Variants in DCBLD2 observed in about 807,000 individuals in gnomAD.
DCBLD2 encodes the protein discoidin, CUB and LCCL domain-containing protein 2.
DCBLD2 carries 54 observed loss-of-function variants against 86.8 expected under a neutral mutation model. That is an observed-to-expected ratio of 0.62 (90% CI 0.50 to 0.78). The LOEUF (loss-of-function observed/expected upper bound fraction) is 0.78. DCBLD2 is among the 30% of genes least tolerant of loss of function. DCBLD2 has a pLI of 0.00. For synonymous variants in DCBLD2, 354 were observed against 341.3 expected (o/e 1.04, Z -0.41); for missense variants, 908 against 954.2 (o/e 0.95, Z 0.64).
chr3:98,870,811 A>T (rs1318213253), intron 2 of DCBLD2, among the ~76,000 whole-genome samples: 11 of 133,498 alleles, frequency 8.2e-5, no homozygotes, highest in Non-Finnish European at 1.5e-4. Flanking sequence ...GAAAGAAAGA[A>T]AGGTAGGCAG....
At chr3:98,879,371 T>A (rs1943422384) in intron 2 of DCBLD2, among the ~76,000 whole-genome samples, 1 of 152,130 alleles carries the variant, frequency 6.6e-6, no homozygotes, top group Admixed American at 6.6e-5. Context: ...GCCCAATGCT[T>A]CAAATTTCTC....
In DCBLD2 at chr3:98,817,860, T is replaced by A. The variant is rs1184633932; in HGVS notation, c.1121A>T (p.His374Leu). The change falls in exon 9 of 16, where the codon CAC (histidine) becomes CTC (leucine). Residue 374 changes from histidine to leucine, a missense_variant. Around this residue, in one of 3 missense-constraint regions of DCBLD2, gnomAD observed 606 missense variants for 678.5 expected, o/e 0.89. Transcript: ENST00000326840. ...TCTGTAGGCAGACACATAGTAATTG[T>A]GCTCCACCATGGTGGATCCAGTGGT... ...IITTGSTMVE[H>L]NYYVSAYRIL... The A allele has an allele frequency of 6.2e-7, 1 of 1,613,680 alleles. No homozygotes were observed.
At chr3:98,870,122 TGA>T (rs144861910) in intron 2 of DCBLD2, among the ~76,000 whole-genome samples, 25,125 of 152,086 alleles carry the variant, frequency 0.17, 2,152 homozygotes, top group African/African-American at 0.22. Flanking sequence ...TTGTAGACGG[TGA>T]GAGATAGGGA....
At chr3:98,815,157 C>T (rs1236299494) in intron 9 of DCBLD2, 2 of 151,974 alleles carry the variant, frequency 1.3e-5, no homozygotes, top group Non-Finnish European at 2.9e-5. Context: ...AGGAGTTATC[C>T]CTTAAATCTT....
At chr3:98,833,426 T>C (rs1942360677) in intron 3 of DCBLD2, among the ~76,000 whole-genome samples, 1 of 152,246 alleles carries the variant, frequency 6.6e-6, no homozygotes, top group South Asian at 2.1e-4. Context: ...CTGAATTCTA[T>C]TTCTGTCATT....
chr3:98,862,940 T>G (rs1424333823), intron 2 of DCBLD2, among the ~76,000 whole-genome samples: 4 of 152,236 alleles, frequency 2.6e-5, no homozygotes, highest in Non-Finnish European at 5.9e-5. Context: ...TGTCCCTGTT[T>G]GCAGATGACA....
intron 3 of DCBLD2, among the ~76,000 whole-genome samples, chr3:98,836,626 G>T (rs1477468357): frequency 1.4e-5 from 2 of 138,600 alleles, no homozygotes; most frequent in African/African-American, 2.6e-5. Flanking sequence ...CCCAGACGGG[G>T]CGGCTGGCCG....
intron 4 of DCBLD2, among the ~76,000 whole-genome samples, chr3:98,823,096 C>T (rs978998594): frequency 2.0e-5 from 3 of 152,202 alleles, no homozygotes; most frequent in Non-Finnish European, 4.4e-5. Flanking sequence ...TGGTCTCAAA[C>T]TCCTGACCTC....
chr3:98,895,464 TG>T (rs1943736297), intron 1 of DCBLD2: 1 of 152,096 alleles, frequency 6.6e-6, no homozygotes, highest in South Asian at 2.1e-4. Flanking sequence ...TCTAAAAGGG[TG>T]GGCTTTCACA....
chr3:98,820,356 ATTTTC>A lies in DCBLD2; in HGVS notation c.831-73_831-69del, dbSNP rs1942097188. On this transcript the variant is annotated intron_variant, in intron 6 of 15. Transcript: ENST00000326840. ...CATGATGCCCCATATTTAGTGAAACATTTTCTTTTGATTTGGTTCCCCCCACCCAA... is the reference window on the plus strand; with the variant it reads ...CATGATGCCCCATATTTAGTGAAACATTTTGATTTGGTTCCCCCCACCCAA... 3.3e-6 allele frequency: 4 copies of A among 1,227,174 alleles called. No homozygotes were observed. The South Asian group carries it at 1.0e-4, about 31-fold the overall frequency. The allele number at this position is 1,227,174 out of a possible 1,614,324, so 76.0% of individuals were successfully genotyped here. A position where few individuals can be genotyped will look rare whatever the true frequency, so the allele number is the denominator to read the frequency against.
At chr3:98,896,647 G>A (rs1382989930) in intron 1 of DCBLD2, among the ~76,000 whole-genome samples, 1 of 152,052 alleles carries the variant, frequency 6.6e-6, no homozygotes, top group Non-Finnish European at 1.5e-5. Context: ...ACAGAAATGT[G>A]GATAATCATC....
chr3:98,817,255 G>T (rs932734236), intron 9 of DCBLD2, among the ~76,000 whole-genome samples: 2 of 152,110 alleles, frequency 1.3e-5, no homozygotes, highest in Non-Finnish European at 2.9e-5. Context: ...TCCATAATTA[G>T]ATGCTAGAGC....
At position 98,798,672 on chromosome 3, in the gene DCBLD2, T is replaced by C. The variant is rs1477549809; in HGVS notation, c.*700A>G. 1 of 152,194 alleles carries C rather than the reference T, an allele frequency of 6.6e-6. No individual in the cohort carries two copies. The highest frequency in any genetic ancestry group is 2.4e-5 in the African/African-American group (1 of 41,420). The allele number at this position is 152,194 out of a possible 1,614,324, so 9.4% of individuals were successfully genotyped here. On this transcript the variant is annotated 3_prime_UTR_variant, in exon 16 of 16. Coordinates refer to ENST00000326840, the MANE Select transcript of DCBLD2 (RefSeq NM_080927.4). ...TCATCAGAAATACTCAAACATTTTA[T>C]AAACACAAGAATGGGGCAAGACACC...
At chr3:98,807,994 A>T in intron 13 of DCBLD2, 87 bp downstream of exon 13, 1 of 1,013,064 alleles carries the variant, frequency 9.9e-7, no homozygotes, top group Non-Finnish European at 1.3e-6. Context: ...TCTCACTCTC[A>T]AACAGGTAAA....
rs544050847 is a variant in DCBLD2 at position 98,851,476 on chromosome 3, T to A, written c.434-1878A>T. 4.6e-5 allele frequency among the ~76,000 whole-genome samples: 7 copies of A among 152,278 alleles called. No individual in the cohort carries two copies. In the South Asian group the frequency reaches 1.5e-3, roughly 32 times the overall value. On this transcript the variant is annotated intron_variant, in intron 2 of 15. Coordinates refer to ENST00000326840, the MANE Select transcript of DCBLD2 (RefSeq NM_080927.4). ...TGGAAAAACATTCCATGCTCGTGGATAGGAAGAATCAATATCAGGAAAATG... is the reference window on the plus strand; with the variant it reads ...TGGAAAAACATTCCATGCTCGTGGAAAGGAAGAATCAATATCAGGAAAATG...
In DCBLD2 at chr3:98,798,277, AATT is replaced by A. The variant is rs1310421513; in HGVS notation, c.*1092_*1094del. ...CAGTTTATGGAAAACTGAAATGAAA[AATT>A]ATTTTTTCTGACTAAAAATATAAAA... On this transcript the variant is annotated 3_prime_UTR_variant, in exon 16 of 16. Coordinates refer to ENST00000326840, the MANE Select transcript of DCBLD2 (RefSeq NM_080927.4). The A allele has an allele frequency of 6.6e-6, 1 of 152,236 alleles. No individual in the cohort carries two copies. Among genetic ancestry groups the A allele is most frequent in the African/African-American group, 2.4e-5 (1 of 41,464 alleles). The allele number at this position is 152,236 out of a possible 1,614,324, so 9.4% of individuals were successfully genotyped here.
intron 2 of DCBLD2, among the ~76,000 whole-genome samples, chr3:98,854,660 T>C (rs1942900907): frequency 1.3e-5 from 2 of 152,228 alleles, no homozygotes; most frequent in African/African-American, 4.8e-5. Flanking sequence ...TTTAGAAAAG[T>C]ATTTTAAATT....
chr3:98,844,332 T>C (rs1942680119), intron 3 of DCBLD2, among the ~76,000 whole-genome samples: 1 of 148,774 alleles, frequency 6.7e-6, no homozygotes, highest in Non-Finnish European at 1.5e-5. Context: ...CAGAATAAAA[T>C]GTCAGTAGCA....
chr3:98,849,101 G>A (rs1217702236), intron 3 of DCBLD2, among the ~76,000 whole-genome samples: 1 of 150,782 alleles, frequency 6.6e-6, no homozygotes, highest in African/African-American at 2.4e-5. Context: ...CCCGGGAGGT[G>A]GAGATTGCGG....
Sources: allele counts gnomAD v4.1 joint callset (sites outside exome capture counted in the v4.1 genomes callset), GRCh38; gene constraint gnomAD v4.1.1; regional missense constraint gnomAD v4.1.1; transcripts MANE v1.5; gene names NCBI Gene and HGNC (gene_info 2026-07-23, HGNC 2026-07-21).